The following NOL4L variants were observed in gnomAD, a reference collection of about 807,000 sequenced individuals.
NOL4L encodes the protein nucleolar protein 4 like.
Under a neutral mutation model 64.5 loss-of-function variants are expected in NOL4L, and 7 were observed. The observed-to-expected ratio is 0.11, with a 90% CI of 0.06 to 0.20. NOL4L has a LOEUF of 0.20. Ranked by LOEUF, NOL4L falls within the 10% of genes least tolerant of loss-of-function variation. NOL4L has a pLI of 1.00. For missense variants in NOL4L, 680 were observed against 967.1 expected (o/e 0.70, Z 3.94); for synonymous variants, 413 against 401.0 (o/e 1.03, Z -0.36).
At chr20:32,545,071 G>T (rs938114772) in intron 1 of NOL4L, among the ~76,000 whole-genome samples, 9 of 152,230 alleles carry the variant, frequency 5.9e-5, no homozygotes, top group Admixed American at 4.6e-4. Context: ...TGTATCTGGG[G>T]GAACCTACAG....
At chr20:32,568,861 C>T (rs907333671) in intron 1 of NOL4L, among the ~76,000 whole-genome samples, 10 of 152,214 alleles carry the variant, frequency 6.6e-5, no homozygotes, top group African/African-American at 2.4e-4. Context: ...GATGGGACTG[C>T]AGGCTGCTTG....
At chr20:32,544,275 C>G (rs1437436988) in intron 1 of NOL4L, among the ~76,000 whole-genome samples, 1 of 147,046 alleles carries the variant, frequency 6.8e-6, no homozygotes, top group African/African-American at 2.5e-5. Context: ...GGCCCAGGAG[C>G]TGCTGGAAGG....
intron 4 of NOL4L, among the ~76,000 whole-genome samples, chr20:32,494,267 A>AC (rs2016587255): frequency 7.1e-6 from 1 of 141,778 alleles, no homozygotes; most frequent in African/African-American, 2.8e-5. Context: ...AAAAAAAAAA[A>AC]AAAAAAAAAA....
intron 5 of NOL4L, among the ~76,000 whole-genome samples, chr20:32,461,832 T>C (rs1168861397): frequency 6.6e-6 from 1 of 151,744 alleles, no homozygotes; most frequent in Non-Finnish European, 1.5e-5. Flanking sequence ...ATTGTGTCTC[T>C]GGCCTGTGCC....
At chr20:32,485,085 A>AAAC (rs1568643259) in intron 4 of NOL4L, among the ~76,000 whole-genome samples, 1 of 144,296 alleles carries the variant, frequency 6.9e-6, no homozygotes, top group Non-Finnish European at 1.5e-5. Context: ...AAAAAAAAAA[A>AAAC]AACAACTAAA....
intron 4 of NOL4L, among the ~76,000 whole-genome samples, chr20:32,504,200 C>T: frequency 6.6e-6 from 1 of 152,080 alleles, no homozygotes; most frequent in East Asian, 1.9e-4. Flanking sequence ...TTCTTTTATT[C>T]ACTCTACTGG....
intron 1 of NOL4L, among the ~76,000 whole-genome samples, chr20:32,544,084 C>G (rs1383547682): frequency 6.6e-6 from 1 of 152,044 alleles, no homozygotes; most frequent in Non-Finnish European, 1.5e-5. Context: ...GTGAAACAGG[C>G]AGCCATAGAG....
intron 4 of NOL4L, among the ~76,000 whole-genome samples, chr20:32,477,253 G>C (rs2015452483): frequency 6.6e-6 from 1 of 152,248 alleles, no homozygotes; most frequent in African/African-American, 2.4e-5. Flanking sequence ...GGTAGGTACA[G>C]TTGACAGCCC....
chr20:32,537,062 C>T (rs1452736369), intron 1 of NOL4L: 2 of 983,466 alleles, frequency 2.0e-6, no homozygotes, highest in South Asian at 4.7e-5. Context: ...CCCTGCCCCG[C>T]CCCCCCGGGA....
intron 1 of NOL4L, among the ~76,000 whole-genome samples, chr20:32,572,874 T>C (rs1342707731): frequency 6.6e-6 from 1 of 152,072 alleles, no homozygotes; most frequent in Non-Finnish European, 1.5e-5. Flanking sequence ...TGCTCCAGTA[T>C]CCCCTGCCCC....
intron 3 of NOL4L, chr20:32,519,288 C>T (rs1400639109): frequency 1.3e-5 from 2 of 152,222 alleles, no homozygotes; most frequent in East Asian, 1.9e-4. Flanking sequence ...TGTCAGAAGC[C>T]GTTCACGTGT....
intron 5 of NOL4L, among the ~76,000 whole-genome samples, chr20:32,470,025 A>C (rs1460363411): frequency 6.6e-6 from 1 of 152,212 alleles, no homozygotes; most frequent in East Asian, 1.9e-4. Context: ...CGCACACACC[A>C]GGCCCTGACC....
chr20:32,566,380 T>C (rs968810658), intron 1 of NOL4L, among the ~76,000 whole-genome samples: 2 of 151,948 alleles, frequency 1.3e-5, no homozygotes, highest in African/African-American at 2.4e-5. Flanking sequence ...TTTTAAGATA[T>C]GGGCAGCAAG....
intron 4 of NOL4L, among the ~76,000 whole-genome samples, chr20:32,493,390 C>T (rs1464389085): frequency 6.6e-6 from 1 of 152,040 alleles, no homozygotes; most frequent in Non-Finnish European, 1.5e-5. Context: ...TGCATGGGGA[C>T]CTTTCTGGGG....
chr20:32,547,522 C>T (rs973228787), intron 1 of NOL4L, among the ~76,000 whole-genome samples: 3 of 152,092 alleles, frequency 2.0e-5, no homozygotes, highest in Admixed American at 2.0e-4. Context: ...AACTCCTGGG[C>T]TCAAGTCATT....
chr20:32,489,855 A>G (rs930763699), intron 4 of NOL4L, among the ~76,000 whole-genome samples: 3 of 150,118 alleles, frequency 2.0e-5, no homozygotes, highest in Non-Finnish European at 3.0e-5. Context: ...CTGGCCTGGC[A>G]TGGTGACTCA....
chr20:32,537,336 A>G (rs2018563865), intron 1 of NOL4L, among the ~76,000 whole-genome samples: 1 of 152,102 alleles, frequency 6.6e-6, no homozygotes, highest in South Asian at 2.1e-4. Context: ...GTCCACATCC[A>G]CATCTGCTGT....
chr20:32,556,275 G>C (rs6119264), intron 1 of NOL4L, among the ~76,000 whole-genome samples: 2 of 23,340 alleles, frequency 8.6e-5, no homozygotes, highest in Non-Finnish European at 7.3e-5. Flanking sequence ...TTTCCTTTGT[G>C]GGGGGGGGGG....
intron 4 of NOL4L, chr20:32,510,663 C>G (rs2017357177): frequency 6.5e-6 from 1 of 154,114 alleles, no homozygotes; most frequent in Non-Finnish European, 1.4e-5. Context: ...ACACTCCAAG[C>G]TGAAGGCAAG....
Sources: allele counts gnomAD v4.1 joint callset (sites outside exome capture counted in the v4.1 genomes callset), GRCh38; gene constraint gnomAD v4.1.1; transcripts MANE v1.5; gene names NCBI Gene and HGNC (gene_info 2026-07-23, HGNC 2026-07-21).